Variants in ZNF728 observed in about 807,000 individuals in gnomAD.
ZNF728 encodes the protein zinc finger protein 728.
Under a neutral mutation model 12.5 loss-of-function variants are expected in ZNF728, and 12 were observed. That is an observed-to-expected ratio of 0.96 (90% CI 0.61 to 1.55). ZNF728 has a LOEUF of 1.55. ZNF728 is among the 40% of genes most tolerant of loss of function. The pLI is 0.00. For synonymous variants in ZNF728, 205 were observed against 240.7 expected (o/e 0.85, Z 1.37); for missense variants, 692 against 719.2 (o/e 0.96, Z 0.43).
Position 22,976,220 on chromosome 19 carries a change from A to C in ZNF728, c.1117T>G (p.Cys373Gly), listed in dbSNP as rs1359130529. 6.2e-7 allele frequency: 1 copy of C among 1,613,578 alleles called. No homozygotes were observed. Among genetic ancestry groups the C allele is most frequent in the Admixed American group, 1.7e-5 (1 of 59,984 alleles). ...GAGGGCCAGCTGAAGGCTTTGCCAC[A>C]TTCTTCACATTTGTAGGGTTTCTCT... ...TGEKPYKCEE[C>G]GKAFSWPSSL... Residue 373 changes from cysteine to glycine, a missense_variant, in exon 4 of 4, where the codon TGT becomes GGT. Transcript: ENST00000594710.
chr19:22,976,734 G>A lies in ZNF728; in HGVS notation c.603C>T (p.Tyr201=), dbSNP rs575297125. 1.6e-5 allele frequency: 26 copies of A among 1,613,400 alleles called. No homozygotes were observed. The highest frequency in any genetic ancestry group is 2.2e-5 in the East Asian group (1 of 44,826). ...HKRIYTRENS[Y]KSEEHGKAFN... ...AGGCTTTGCCATGTTCTTCACTTTTGTAGGAATTCTCTCTAGTATAAATTC... is the reference window on the plus strand; with the variant it reads ...AGGCTTTGCCATGTTCTTCACTTTTATAGGAATTCTCTCTAGTATAAATTC... The change falls in exon 4 of 4, where the codon TAC becomes TAT. Residue 201 remains tyrosine, a synonymous_variant. Coordinates refer to ENST00000594710, the MANE Select transcript of ZNF728 (RefSeq NM_001267716.2).
chr19:22,989,918 C>T (rs968903043), intron 1 of ZNF728, among the ~76,000 whole-genome samples: 2 of 152,130 alleles, frequency 1.3e-5, no homozygotes, highest in East Asian at 1.9e-4. Flanking sequence ...TCTCTGCCTT[C>T]ACTAAAAACC....
chr19:22,982,847 T>A (rs1385216102), intron 3 of ZNF728, among the ~76,000 whole-genome samples: 1 of 152,074 alleles, frequency 6.6e-6, no homozygotes, highest in African/African-American at 2.4e-5. Context: ...TTATACCTTA[T>A]ATAAAAATTA....
At chr19:23,001,085 A>G (rs759845437) in intron 1 of ZNF728, among the ~76,000 whole-genome samples, 1 of 151,986 alleles carries the variant, frequency 6.6e-6, no homozygotes, top group Non-Finnish European at 1.5e-5. Flanking sequence ...CCCCAGGTAT[A>G]TTTTACTTTG....
At chr19:22,986,232 T>C (rs1968915451) in intron 3 of ZNF728, among the ~76,000 whole-genome samples, 1 of 152,182 alleles carries the variant, frequency 6.6e-6, no homozygotes, top group Admixed American at 6.5e-5. Context: ...TTGTGCCCAT[T>C]GTCAATGCTT....
At chr19:22,996,408 T>C (rs1969050627) in intron 1 of ZNF728, among the ~76,000 whole-genome samples, 1 of 152,216 alleles carries the variant, frequency 6.6e-6, no homozygotes, top group East Asian at 1.9e-4. Flanking sequence ...ACTGAACTCT[T>C]CTGGCTTTTG....
intron 2 of ZNF728, among the ~76,000 whole-genome samples, chr19:22,987,994 C>A (rs1390949662): frequency 6.6e-6 from 1 of 152,264 alleles, no homozygotes; most frequent in East Asian, 1.9e-4. Context: ...AGGACAGTCA[C>A]CCCCTGGTGC....
chr19:22,987,727 A>G (rs1968933241), intron 2 of ZNF728, among the ~76,000 whole-genome samples: 1 of 151,992 alleles, frequency 6.6e-6, no homozygotes, highest in South Asian at 2.1e-4. Context: ...TGGTTAAGTT[A>G]AGGTCAAGAT....
intron 1 of ZNF728, among the ~76,000 whole-genome samples, chr19:22,989,720 C>G (rs1208023293): frequency 6.6e-6 from 1 of 152,126 alleles, no homozygotes; most frequent in African/African-American, 2.4e-5. Context: ...AGATATCTCC[C>G]ATGTTCTGTA....
At chr19:22,998,302 C>T (rs760573532) in intron 1 of ZNF728, among the ~76,000 whole-genome samples, 31 of 138,082 alleles carry the variant, frequency 2.2e-4, no homozygotes, top group Non-Finnish European at 4.0e-4. Context: ...GGTGGATTGC[C>T]TGAGCTCAGG....
At chr19:22,993,088 G>A (rs1166476395) in intron 1 of ZNF728, among the ~76,000 whole-genome samples, 1 of 152,244 alleles carries the variant, frequency 6.6e-6, no homozygotes, top group East Asian at 1.9e-4. Flanking sequence ...ATACTTTGTG[G>A]CCTTAAGATG....
intron 1 of ZNF728, among the ~76,000 whole-genome samples, chr19:23,001,143 G>C (rs560399223): frequency 1.3e-5 from 2 of 152,114 alleles, no homozygotes; most frequent in Non-Finnish European, 2.9e-5. Context: ...TGTCTTTGGA[G>C]TGCTATTTTA....
rs764422101 is a variant in ZNF728 at position 22,987,382 on chromosome 19, T to C, written c.152A>G (p.Asp51Gly). The C allele has an allele frequency of 2.7e-5, 43 of 1,609,558 alleles. No homozygotes were observed. Among genetic ancestry groups the C allele is most frequent in the Admixed American group, 6.8e-5 (4 of 59,208 alleles). Residue 51 changes from aspartate (D) to glycine (G), a missense_variant, in exon 3 of 4, where the codon GAC becomes GGC. Transcript: ENST00000594710. ...VFLGIAAPKP[D>G]LIIFLEQGKE... ...TCCTTGCTCCAGAAAAATGATCAGG[T>C]CTGGCTTAGGGGCAGCAATACCTGT... is the stretch of plus-strand genomic sequence containing the variant.
intron 1 of ZNF728, among the ~76,000 whole-genome samples, chr19:22,996,609 A>G (rs911166489): frequency 1.5e-5 from 2 of 132,334 alleles, no homozygotes; most frequent in African/African-American, 7.4e-5. Flanking sequence ...AAGACTAAAG[A>G]AAGATAAAAA....
At chr19:22,995,389 G>C (rs896322203) in intron 1 of ZNF728, 3 of 151,894 alleles carry the variant, frequency 2.0e-5, no homozygotes. Context: ...GCTACTCTCA[G>C]CAAGAGAAAC....
At chr19:22,983,842 C>A (rs1968885778) in intron 3 of ZNF728, among the ~76,000 whole-genome samples, 1 of 152,146 alleles carries the variant, frequency 6.6e-6, no homozygotes. Context: ...ACATCACACA[C>A]CAGGGCCTGT....
chr19:22,992,536 C>T (rs560663035), intron 1 of ZNF728, among the ~76,000 whole-genome samples: 1 of 147,290 alleles, frequency 6.8e-6, no homozygotes, highest in East Asian at 2.0e-4. Context: ...AGTCACTGCA[C>T]CCCACCTGCT....
intron 3 of ZNF728, among the ~76,000 whole-genome samples, chr19:22,980,707 C>A (rs1296963433): frequency 6.6e-6 from 1 of 152,152 alleles, no homozygotes; most frequent in Non-Finnish European, 1.5e-5. Context: ...CAAATTAGAA[C>A]TCAGGATTAA....
chr19:22,976,031 AT>A lies in ZNF728; in HGVS notation c.1305del (p.Ser437ArgfsTer8). Reference protein sequence around the residue: ...KCEECGKAFTTFSSLTKHKVI... With the variant: ...KCEECGKAFTXFSSLTKHKVI... ...ACTTTATGTTTAGTAAGGCTCGAAA[AT>A]GTAGTAAAGGCTTTGCCACATTCTT... On this transcript the variant is annotated frameshift_variant, in exon 4 of 4. Transcript: ENST00000594710. LOFTEE classifies it low-confidence loss of function (END_TRUNC). The A allele has an allele frequency of 1.3e-6, 2 of 1,588,128 alleles. No homozygotes were observed. Among genetic ancestry groups the A allele is most frequent in the South Asian group, 2.3e-5 (2 of 88,336 alleles).
Sources: allele counts gnomAD v4.1 joint callset (sites outside exome capture counted in the v4.1 genomes callset), GRCh38; gene constraint gnomAD v4.1.1; transcripts MANE v1.5; gene names NCBI Gene and HGNC (gene_info 2026-07-23, HGNC 2026-07-21).